Variants in NCOR2 observed in about 807,000 individuals in gnomAD.
NCOR2 encodes the protein nuclear receptor corepressor 2.
NCOR2 carries 81 observed loss-of-function variants against 262.9 expected under a neutral mutation model. The ratio of observed to expected loss-of-function variants is 0.31; its 90% CI spans 0.26 to 0.37. The LOEUF (loss-of-function observed/expected upper bound fraction) is 0.37. Among genes scored for constraint, NCOR2 ranks in the 10% least tolerant of loss-of-function variants. The pLI is 1.00. For missense variants in NCOR2, 3,385 were observed against 3,621.4 expected (o/e 0.93, Z 1.68); for synonymous variants, 1,659 against 1,559.3 (o/e 1.06, Z -1.51).
intron 43 of NCOR2, chr12:124,331,987 C>A (rs1025891525): frequency 9.2e-6 from 3 of 325,068 alleles, no homozygotes; most frequent in Non-Finnish European, 1.8e-5. Flanking sequence ...CAAAGCCACA[C>A]AGGTGCTGAG....
At chr12:124,329,293 C>T in intron 44 of NCOR2, 1 of 355,750 alleles carries the variant, frequency 2.8e-6, no homozygotes, top group Non-Finnish European at 5.6e-6. Context: ...GAAACCCCGT[C>T]TCTACTAAAA....
chr12:124,345,396 C>G (rs1489845655), intron 31 of NCOR2, among the ~76,000 whole-genome samples: 2 of 152,112 alleles, frequency 1.3e-5, no homozygotes, highest in East Asian at 3.9e-4. Flanking sequence ...GCTTTCAGCC[C>G]CAGGGACACT....
intron 1 of NCOR2, among the ~76,000 whole-genome samples, chr12:124,501,400 A>G (rs1051071305): frequency 8.6e-5 from 13 of 151,516 alleles, no homozygotes; most frequent in Non-Finnish European, 1.5e-4. Flanking sequence ...CACAGACTGC[A>G]TGGCTTCAAG....
chr12:124,378,219 A>G lies in NCOR2; in HGVS notation c.2167+18T>C. On this transcript the variant is annotated intron_variant, in intron 18 of 46. Transcript: ENST00000405201. The surrounding 1 kb of genome is among the most constrained non-coding windows in gnomAD (Gnocchi z 4.2). ...GACCCACAGCTGCCAGCCACCTCCA[A>G]GCCGCGCCAGCCCTCACCTTCAGCC... 6.2e-7 allele frequency: 1 copy of G among 1,609,732 alleles called. No individual in the cohort carries two copies. The highest frequency in any genetic ancestry group is 8.5e-7 in the Non-Finnish European group (1 of 1,177,032).
chr12:124,493,786 G>GT (rs1374735941), intron 1 of NCOR2, among the ~76,000 whole-genome samples: 2 of 152,148 alleles, frequency 1.3e-5, no homozygotes, highest in East Asian at 3.9e-4. Flanking sequence ...CAGGCACGCA[G>GT]TAGGTGCTCA....
chr12:124,430,654 T>C, exon 9 of NCOR2: 1 of 1,614,018 alleles, frequency 6.2e-7, no homozygotes. Flanking sequence ...CTTGCGGATC[T>C]CAGGGAACTG....
rs1222225378 is a variant in NCOR2, at chr12:124,532,949, CCCACTCCTCTTCCCCCCTCCCT to C, written c.-118+2594_-118+2615del. ...CCTCCTTCCCCTCCTCCCTCCAAAT[CCCACTCCTCTTCCCCCCTCCCT>C]CCAAATCCCACTCCTCTTTCCCCCA... On this transcript the variant is annotated intron_variant, in intron 1 of 46. Coordinates refer to the NCOR2 transcript ENST00000404621. Among the ~76,000 whole-genome samples, 24 of 85,996 alleles carry C rather than the reference CCCACTCCTCTTCCCCCCTCCCT, an allele frequency of 2.8e-4. 1 individual carries two copies. Among genetic ancestry groups the C allele is most frequent in the African/African-American group, 5.2e-4 (14 of 26,824 alleles). The allele number at this position is 85,996 out of a possible 152,430, so 56.4% of individuals were successfully genotyped here. A position where few individuals can be genotyped will look rare whatever the true frequency, so the allele number is the denominator to read the frequency against.
Position 124,362,235 on chromosome 12 carries a change from TG to T in NCOR2, c.2990del (p.Pro997GlnfsTer66), listed in dbSNP as rs1406496334. 6 of 1,315,298 alleles carry T rather than the reference TG, an allele frequency of 4.6e-6. No individual in the cohort carries two copies. The South Asian group carries it at 8.6e-5, about 19-fold the overall frequency. 81.5% of individuals were successfully genotyped at this position (1,315,298 alleles called of 1,614,324 possible). On this transcript the variant is annotated frameshift_variant, in exon 22 of 47. Coordinates refer to ENST00000405201, the Ensembl canonical transcript of NCOR2. LOFTEE classifies it high-confidence loss of function. ...GCAGGTTTTGCGGTGGCGGTGGGGCTGGGGGAGCTGGCTTGGTGGGAGCTGC... is the reference window on the plus strand; with the variant it reads ...GCAGGTTTTGCGGTGGCGGTGGGGCTGGGGAGCTGGCTTGGTGGGAGCTGC...
intron 16 of NCOR2, chr12:124,388,863 G>A: frequency 5.6e-6 from 2 of 357,808 alleles, no homozygotes; most frequent in Non-Finnish European, 9.0e-6. Context: ...TCCGTCCCAC[G>A]GTGAGGGAGG....
chr12:124,443,985 C>A lies in NCOR2; in HGVS notation c.815+5830G>T, dbSNP rs574160876. On this transcript the variant is annotated intron_variant, in intron 7 of 46. Coordinates refer to ENST00000405201, the Ensembl canonical transcript of NCOR2. This position sits in a 1 kb window ranked among gnomAD's most constrained non-coding sequence, Gnocchi z 4.4. ...GGTCGCCCAGCTCCCCGTTCCTCAG[C>A]CCCTACTACTCCCTATTGCCTCACA... is the stretch of plus-strand genomic sequence containing the variant. Among the ~76,000 whole-genome samples the A allele has an allele frequency of 4.6e-4, 70 of 152,272 alleles. No homozygotes were observed. Among genetic ancestry groups the A allele is most frequent in the Non-Finnish European group, 9.0e-4 (61 of 68,014 alleles).
At position 124,376,831 on chromosome 12, in the gene NCOR2, C is replaced by T. The variant is rs146800583; in HGVS notation, c.2167+1406G>A. On this transcript the variant is annotated intron_variant, in intron 18 of 46. Transcript: ENST00000405201. ...GACAACAGGAACAACAAGAAGGACC[C>T]CAGACGGGGCAGGAGGAAGGAGGGT... Among the ~76,000 whole-genome samples the T allele has an allele frequency of 5.9e-3, 896 of 152,298 alleles. 10 individuals carry two copies. The highest frequency in any genetic ancestry group is 0.021 in the African/African-American group (855 of 41,562).
chr12:124,496,795 C>T (rs1364123930), upstream of NCOR2, among the ~76,000 whole-genome samples: 1 of 152,040 alleles, frequency 6.6e-6, no homozygotes, highest in Non-Finnish European at 1.5e-5. The surrounding 1 kb of genome is among the most constrained non-coding windows in gnomAD (Gnocchi z 4.4). Context: ...GTCCTGCATG[C>T]TTCTGGGCCA....
At chr12:124,562,930 T>G (rs1219681510) in intron 1 of NCOR2, among the ~76,000 whole-genome samples, 1 of 152,010 alleles carries the variant, frequency 6.6e-6, no homozygotes, top group African/African-American at 2.4e-5. Flanking sequence ...GCTCATTATA[T>G]CTCACAACCA....
exon 47 of NCOR2, chr12:124,325,385 C>CCCT: frequency 5.6e-6 from 3 of 539,440 alleles, no homozygotes. Context: ...CCGCCCCCCC[C>CCCT]CCCGCCCTGT....
exon 28 of NCOR2, chr12:124,350,730 G>C (rs1467176568): frequency 6.2e-7 from 1 of 1,611,014 alleles, no homozygotes; most frequent in Non-Finnish European, 8.5e-7. Context: ...GACGTCAGCT[G>C]GCGTGCCCTG....
chr12:124,410,394 G>C lies in NCOR2; in HGVS notation c.1483-7833C>G, dbSNP rs533144364. ...TTCCCTGGGAGCAACATCCCTGACT[G>C]CAGGACGTGGGGAGCCCCCAACTGT... On this transcript the variant is annotated intron_variant, in intron 13 of 46. Coordinates refer to ENST00000405201, the Ensembl canonical transcript of NCOR2. Among the ~76,000 whole-genome samples the C allele has an allele frequency of 2.0e-5, 3 of 151,868 alleles. No homozygotes were observed. The East Asian group carries it at 5.9e-4, about 30-fold the overall frequency.
chr12:124,449,402 T>C (rs763700931), intron 7 of NCOR2, among the ~76,000 whole-genome samples: 48 of 152,196 alleles, frequency 3.2e-4, no homozygotes, highest in Non-Finnish European at 8.8e-5. Context: ...AACATGCTTA[T>C]GCCAGAGCCC....
At chr12:124,412,762 T>C (rs1468006088) in intron 13 of NCOR2, among the ~76,000 whole-genome samples, 1 of 152,370 alleles carries the variant, frequency 6.6e-6, no homozygotes, top group Admixed American at 6.5e-5. Flanking sequence ...TGGGAGCTCC[T>C]TGGAAATGCA....
In NCOR2 at chr12:124,443,429, C is replaced by A. The variant is rs1221234629; in HGVS notation, c.816-5433G>T. 1.3e-5 allele frequency among the ~76,000 whole-genome samples: 2 copies of A among 152,236 alleles called. No individual in the cohort carries two copies. The highest frequency in any genetic ancestry group is 1.3e-4 in the Admixed American group (2 of 15,286). On this transcript the variant is annotated intron_variant, in intron 7 of 46. Transcript: ENST00000405201. The surrounding 1 kb of genome is among the most constrained non-coding windows in gnomAD (Gnocchi z 4.4). ...ACATGTCAAGTCCGCAGGGTGCAAA[C>A]TGCACAGTGCACAGGCCAGAGACAG... is the stretch of plus-strand genomic sequence containing the variant.
Sources: gnomAD v4.1 joint callset for allele counts (sites outside exome capture counted in the v4.1 genomes callset) on GRCh38, gnomAD v4.1.1 for gene constraint, Gnocchi (gnomAD v3.1) non-coding constraint, MANE v1.5 for transcripts, NCBI Gene and HGNC (gene_info 2026-07-23, HGNC 2026-07-21) for gene names.